Variants in RPGRIP1 observed in about 807,000 individuals in gnomAD.
RPGRIP1 encodes RPGR interacting protein 1.
Under a neutral mutation model 157.9 loss-of-function variants are expected in RPGRIP1, and 128 were observed. That is an observed-to-expected ratio of 0.81 (90% CI 0.70 to 0.94). The LOEUF is 0.94. Among genes scored for constraint, RPGRIP1 ranks in the 40% least tolerant of loss-of-function variants. The probability of loss-of-function intolerance (pLI) is 0.00; values close to 1 mark genes in which losing one functional copy is unlikely to be tolerated. For synonymous variants in RPGRIP1, 554 were observed against 571.6 expected, an observed-to-expected ratio of 0.97 and a Z score of 0.44; for missense variants, 1,486 against 1,545.8, an observed-to-expected ratio of 0.96 and a Z score of 0.65.
chr14:21,304,251 G>A (rs1881176206), intron 6 of RPGRIP1, among the ~76,000 whole-genome samples: 1 of 150,264 alleles, frequency 6.7e-6, no homozygotes, highest in African/African-American at 2.5e-5. Flanking sequence ...GGAGGCGGAG[G>A]TTGCAGTGAG....
chr14:21,325,509 A>G, intron 16 of RPGRIP1, 126 bp downstream of exon 16: 3 of 935,022 alleles, frequency 3.2e-6, no homozygotes, highest in Non-Finnish European at 4.8e-6. Context: ...CTGTCACACC[A>G]CAACTAGTCT....
chr14:21,323,705 CT>C (rs1207720271), intron 14 of RPGRIP1, among the ~76,000 whole-genome samples: 1 of 151,998 alleles, frequency 6.6e-6, no homozygotes, highest in Non-Finnish European at 1.5e-5. Flanking sequence ...ATTATTACTC[CT>C]GCATCATGTA....
chr14:21,297,574 C>G (rs1350509323), intron 3 of RPGRIP1, among the ~76,000 whole-genome samples: 4 of 152,138 alleles, frequency 2.6e-5, no homozygotes, highest in Non-Finnish European at 5.9e-5. Context: ...TTTGAAGATA[C>G]TGGTGTCAAT....
rs1383147716 is a variant in RPGRIP1, at chr14:21,324,701, G to A, written c.1846G>A (p.Val616Met). The change falls in exon 15 of 25, where the codon GTG becomes ATG. Residue 616 changes from valine (V) to methionine (M), a missense_variant. Physicochemically the swap from Val to Met is conservative, Grantham distance 21 (BLOSUM62 1). Coordinates refer to ENST00000400017, the MANE Select transcript of RPGRIP1 (RefSeq NM_020366.4). ...GCCAGCCCATGGAGATGAGGATAAA[G>A]TGGATATTTCTCTGCTGCATCAGGG... is the stretch of plus-strand genomic sequence containing the variant. ...TLPAHGDEDKVDISLLHQGEN... is the reference protein window; with the variant it reads ...TLPAHGDEDKMDISLLHQGEN... 6.2e-7 allele frequency: 1 copy of A among 1,613,952 alleles called. No individual in the cohort carries two copies. The highest frequency in any genetic ancestry group is 1.3e-5 in the African/African-American group (1 of 74,942).
intron 8 of RPGRIP1, 46 bp from the exon 9 acceptor site, chr14:21,311,778 G>A (rs754052196): frequency 1.3e-6 from 2 of 1,530,388 alleles, no homozygotes; most frequent in East Asian, 2.3e-5. Context: ...GACCACTCGT[G>A]CTGAGTGATA....
At chr14:21,296,175 C>A (rs1233395685) in intron 3 of RPGRIP1, among the ~76,000 whole-genome samples, 2 of 151,292 alleles carry the variant, frequency 1.3e-5, no homozygotes, top group Non-Finnish European at 2.9e-5. Flanking sequence ...GATCTCGGCT[C>A]ACTGCAACTT....
At chr14:21,347,550 G>T (rs1326730350) in intron 23 of RPGRIP1, among the ~76,000 whole-genome samples, 1 of 152,124 alleles carries the variant, frequency 6.6e-6, no homozygotes, top group Non-Finnish European at 1.5e-5. Context: ...GCTTTTAAAA[G>T]CTTGAATTTT....
chr14:21,345,812 A>T (rs558821743), intron 23 of RPGRIP1, among the ~76,000 whole-genome samples: 4 of 151,390 alleles, frequency 2.6e-5, no homozygotes, highest in South Asian at 4.2e-4. Context: ...GGAATAACAA[A>T]AAGTGTTGAC....
At chr14:21,318,240 C>T (rs1444402215) in intron 11 of RPGRIP1, 6 of 411,198 alleles carry the variant, frequency 1.5e-5, no homozygotes, top group Non-Finnish European at 2.4e-5. Context: ...CCAAGTAGCT[C>T]GGATTACAAG....
intron 1 of RPGRIP1, among the ~76,000 whole-genome samples, chr14:21,283,700 T>C (rs1343644457): frequency 2.0e-5 from 3 of 151,796 alleles, no homozygotes. Context: ...TTGCCCAGGC[T>C]GGAGTGGAGT....
chr14:21,304,393 AAGAAAGAAAGAAAGAAAG>A (rs1352537905), intron 6 of RPGRIP1, among the ~76,000 whole-genome samples: 67 of 59,960 alleles, frequency 1.1e-3, no homozygotes, highest in Non-Finnish European at 1.6e-3. Flanking sequence ...GAGAGAGAGA[AAGAAAGAAAGAAAGAAAG>A]AAAGAAAGAA....
Position 21,335,806 on chromosome 14 carries a change from CA to C in RPGRIP1, c.3339+1109del, listed in dbSNP as rs536624884. 2.7e-5 allele frequency among the ~76,000 whole-genome samples: 4 copies of C among 149,992 alleles called. No individual in the cohort carries two copies. The East Asian group carries it at 7.7e-4, about 29-fold the overall frequency. On this transcript the variant is annotated intron_variant, in intron 21 of 24. Coordinates refer to ENST00000400017, the MANE Select transcript of RPGRIP1 (RefSeq NM_020366.4). ...TGGGCGACAGAGCGAGACTACGTCTCAAAAAAAAGAGACACACATATATTAA... is the reference window on the plus strand; with the variant it reads ...TGGGCGACAGAGCGAGACTACGTCTCAAAAAAAGAGACACACATATATTAA...
At chr14:21,297,335 T>TC (rs1566669896) in intron 3 of RPGRIP1, among the ~76,000 whole-genome samples, 2 of 152,292 alleles carry the variant, frequency 1.3e-5, no homozygotes, top group East Asian at 3.9e-4. Context: ...CCTCAAGTGA[T>TC]CCGCCTGCCT....
At chr14:21,346,811 T>C (rs1284036963) in intron 23 of RPGRIP1, among the ~76,000 whole-genome samples, 3 of 152,184 alleles carry the variant, frequency 2.0e-5, no homozygotes, top group East Asian at 3.9e-4. Flanking sequence ...GCTGGGATTA[T>C]AGGCATGAGC....
chr14:21,294,894 G>A (rs1480599356), intron 3 of RPGRIP1, 85 bp downstream of exon 3: 9 of 1,188,776 alleles, frequency 7.6e-6, no homozygotes, highest in Non-Finnish European at 9.9e-6. Context: ...GCCCAGGCTG[G>A]AATGCAGTGG....
Position 21,294,791 on chromosome 14 carries a change from A to C in RPGRIP1, c.200A>C (p.Gln67Pro). 6.2e-7 allele frequency: 1 copy of C among 1,603,560 alleles called. No individual in the cohort carries two copies. The highest frequency in any genetic ancestry group is 8.5e-7 in the Non-Finnish European group (1 of 1,174,632). ...TTGGTGAAGGAGCTTTCTTGGAAGCAACAGGATGAGATCAAAAGGTACTTA... is the reference window on the plus strand; with the variant it reads ...TTGGTGAAGGAGCTTTCTTGGAAGCCACAGGATGAGATCAAAAGGTACTTA... ...HMLVKELSWK[Q>P]QDEIKRLRTT... The change falls in exon 3 of 25, where the codon CAA (glutamine) becomes CCA (proline). Residue 67 changes from glutamine to proline, a missense_variant. Physicochemically the swap from Gln to Pro is moderately conservative, Grantham distance 76. Coordinates refer to ENST00000400017, the MANE Select transcript of RPGRIP1 (RefSeq NM_020366.4).
In RPGRIP1 at chr14:21,316,194, A is replaced by G. The variant is rs370978783; in HGVS notation, c.1152-1502A>G. 3.6e-4 allele frequency among the ~76,000 whole-genome samples: 55 copies of G among 151,160 alleles called. 1 individual carries two copies. Among genetic ancestry groups the G allele is most frequent in the African/African-American group, 1.2e-3 (50 of 41,172 alleles). ...GGGTTTCACCATGTTGGGCAGGCTGATCACCAACTCCTGACCTCGAGATCT... is the reference window on the plus strand; with the variant it reads ...GGGTTTCACCATGTTGGGCAGGCTGGTCACCAACTCCTGACCTCGAGATCT... On this transcript the variant is annotated intron_variant, in intron 10 of 24. Coordinates refer to ENST00000400017, the MANE Select transcript of RPGRIP1 (RefSeq NM_020366.4).
chr14:21,301,548 G>C (rs1220000155), intron 4 of RPGRIP1, among the ~76,000 whole-genome samples: 1 of 151,860 alleles, frequency 6.6e-6, no homozygotes, highest in Non-Finnish European at 1.5e-5. Flanking sequence ...ATGGTGGCGC[G>C]CACCTGTAGT....
chr14:21,335,723 C>T (rs1186239642), intron 21 of RPGRIP1, among the ~76,000 whole-genome samples: 1 of 151,272 alleles, frequency 6.6e-6, no homozygotes, highest in Non-Finnish European at 1.5e-5. Context: ...CCCAGCTACT[C>T]GGGAGGCTGA....
Sources: allele counts gnomAD v4.1 joint callset (sites outside exome capture counted in the v4.1 genomes callset), GRCh38; gene constraint gnomAD v4.1.1; transcripts MANE v1.5; gene names NCBI Gene and HGNC (gene_info 2026-07-23, HGNC 2026-07-21).